Variants in MALRD1 observed in about 807,000 individuals in gnomAD.
MALRD1 encodes the protein MAM and LDL-receptor class A domain-containing protein 1.
Under a neutral mutation model 242.1 loss-of-function variants are expected in MALRD1, and 247 were observed. The ratio of observed to expected loss-of-function variants is 1.02; its 90% confidence interval spans 0.92 to 1.13. The LOEUF (loss-of-function observed/expected upper bound fraction) is 1.13. MALRD1 is among the 50% of genes most tolerant of loss of function. MALRD1 has a pLI of 0.00. For missense variants in MALRD1, 2,989 were observed against 2,533.1 expected (o/e 1.18, Z -3.86); for synonymous variants, 995 against 866.6 (o/e 1.15, Z -2.60).
intron 30 of MALRD1, among the ~76,000 whole-genome samples, chr10:19,494,467 T>C (rs991367642): frequency 6.6e-6 from 1 of 152,084 alleles, no homozygotes; most frequent in Admixed American, 6.5e-5. Flanking sequence ...ATTCAGAATA[T>C]GGGTAGGAAC....
rs150510081 is a variant in MALRD1, at chr10:19,249,575, C to T, written c.2992-8109C>T. On this transcript the variant is annotated intron_variant, in intron 18 of 39. Coordinates refer to ENST00000454679, the MANE Select transcript of MALRD1 (RefSeq NM_001142308.3). ...ACTGTGCTGGATGCTGTGTTTGCAG[C>T]GCTTGTGTCCTTCAGTGTCCCTCCT... Among the ~76,000 whole-genome samples the T allele has an allele frequency of 3.8e-3, 574 of 152,066 alleles. 3 individuals are homozygous for T. Among genetic ancestry groups the T allele is most frequent in the African/African-American group, 8.6e-3 (358 of 41,524 alleles).
chr10:19,298,761 A>G (rs1841821024), intron 21 of MALRD1, among the ~76,000 whole-genome samples: 1 of 152,004 alleles, frequency 6.6e-6, no homozygotes, highest in Admixed American at 6.6e-5. Context: ...GTTTTGGCTC[A>G]CAGGAATAGA....
intron 34 of MALRD1, among the ~76,000 whole-genome samples, chr10:19,606,485 C>G (rs1030866697): frequency 1.3e-5 from 2 of 152,034 alleles, no homozygotes; most frequent in African/African-American, 2.4e-5. Flanking sequence ...TCTGCTGAAC[C>G]CTGGTACTCA....
chr10:19,213,152 G>C (rs1385692951), intron 18 of MALRD1, among the ~76,000 whole-genome samples: 2 of 151,962 alleles, frequency 1.3e-5, no homozygotes, highest in African/African-American at 2.4e-5. Flanking sequence ...ATCAAAGAAA[G>C]CTTTGCCTTA....
chr10:19,607,636 AG>A, intron 34 of MALRD1, 140 bp from the exon 35 acceptor site: 1 of 1,169,716 alleles, frequency 8.5e-7, no homozygotes, highest in Non-Finnish European at 1.1e-6. Context: ...TTCTTCAAAA[AG>A]AACTGTGTTC....
chr10:19,650,944 A>C (rs1011583145), intron 36 of MALRD1, among the ~76,000 whole-genome samples: 1 of 152,146 alleles, frequency 6.6e-6, no homozygotes, highest in Non-Finnish European at 1.5e-5. Flanking sequence ...TGCAAATTAG[A>C]GAATGCATCA....
At position 19,170,137 on chromosome 10, in the gene MALRD1, C is replaced by T. The variant is rs139321156; in HGVS notation, c.1830+4327C>T. ...AGGTTTACTGTTTTCTCTGTAAGAA[C>T]AGCAAATTAATGACATTTCAATATT... is the stretch of plus-strand genomic sequence containing the variant. On this transcript the variant is annotated intron_variant, in intron 13 of 39. Coordinates refer to ENST00000454679, the MANE Select transcript of MALRD1 (RefSeq NM_001142308.3). Among the ~76,000 whole-genome samples, 697 of 152,284 alleles carry T rather than the reference C, an allele frequency of 4.6e-3. 2 individuals are homozygous for T. The highest frequency in any genetic ancestry group is 6.9e-3 in the Non-Finnish European group (470 of 68,014).
At chr10:19,177,329 C>G (rs1000817074) in intron 14 of MALRD1, among the ~76,000 whole-genome samples, 4 of 150,766 alleles carry the variant, frequency 2.7e-5, no homozygotes, top group Admixed American at 2.6e-4. Context: ...ACAGGATTAC[C>G]TTATTTTTGT....
At chr10:19,061,709 G>A (rs1182519398) in intron 1 of MALRD1, among the ~76,000 whole-genome samples, 1 of 152,146 alleles carries the variant, frequency 6.6e-6, no homozygotes, top group African/African-American at 2.4e-5. Flanking sequence ...TTCAACAAAG[G>A]TGGTGGGAAA....
intron 12 of MALRD1, among the ~76,000 whole-genome samples, chr10:19,164,426 T>A (rs1399963358): frequency 6.6e-6 from 1 of 152,180 alleles, no homozygotes; most frequent in Non-Finnish European, 1.5e-5. Context: ...AAACATTTTT[T>A]AAAAAGAATT....
chr10:19,567,567 G>C lies in MALRD1; in HGVS notation c.5544G>C (p.Thr1848=). The change falls in exon 33 of 40, where the codon ACG becomes ACC. Residue 1848 remains threonine, a synonymous_variant. Transcript: ENST00000454679. The part of the protein sequence containing the change: ...LVWSVIGNKR[T]GWTYGSVPLS... ...GGTCAGTGATTGGAAATAAAAGAACGGGATGGACATATGGCTCTGTGCCTC... is the reference window on the plus strand; with the variant it reads ...GGTCAGTGATTGGAAATAAAAGAACCGGATGGACATATGGCTCTGTGCCTC... The C allele has an allele frequency of 6.4e-7, 1 of 1,550,390 alleles. No homozygotes were observed. Among genetic ancestry groups the C allele is most frequent in the Non-Finnish European group, 8.7e-7 (1 of 1,146,894 alleles).
At chr10:19,222,657 C>T (rs554497481) in intron 18 of MALRD1, among the ~76,000 whole-genome samples, 4 of 152,230 alleles carry the variant, frequency 2.6e-5, no homozygotes, top group African/African-American at 7.2e-5. Flanking sequence ...TCTAATGTGT[C>T]CTTGACTCTC....
intron 34 of MALRD1, chr10:19,598,267 C>G (rs140921077): frequency 1.3e-5 from 2 of 152,224 alleles, no homozygotes; most frequent in Non-Finnish European, 2.9e-5. Flanking sequence ...TTTCAGGGAT[C>G]ATGTCTATAG....
intron 30 of MALRD1, among the ~76,000 whole-genome samples, chr10:19,496,461 G>C (rs61322704): frequency 0.037 from 5,660 of 152,114 alleles, 208 homozygotes; most frequent in African/African-American, 0.094. Context: ...ATGACTTTTG[G>C]GTAAATAATG....
intron 29 of MALRD1, among the ~76,000 whole-genome samples, chr10:19,474,901 A>G (rs1836658082): frequency 6.6e-6 from 1 of 152,200 alleles, no homozygotes; most frequent in Admixed American, 6.5e-5. Context: ...AAAAACCTAG[A>G]AAAATGAATG....
At chr10:19,637,499 C>T (rs575950456) in intron 36 of MALRD1, among the ~76,000 whole-genome samples, 21 of 152,220 alleles carry the variant, frequency 1.4e-4, no homozygotes, top group African/African-American at 4.1e-4. Flanking sequence ...CTTGTGCTCA[C>T]GATAAAACTG....
chr10:19,180,293 A>G (rs1835448522), intron 14 of MALRD1, among the ~76,000 whole-genome samples: 1 of 152,242 alleles, frequency 6.6e-6, no homozygotes, highest in Non-Finnish European at 1.5e-5. Context: ...GCAAGCAGCC[A>G]TGCTGTGACC....
intron 24 of MALRD1, among the ~76,000 whole-genome samples, chr10:19,337,565 A>G (rs183924946): frequency 1.7e-4 from 26 of 152,216 alleles, no homozygotes; most frequent in Non-Finnish European, 3.1e-4. Flanking sequence ...AGAAATGTCT[A>G]TTGAAGTATT....
intron 33 of MALRD1, among the ~76,000 whole-genome samples, chr10:19,594,661 G>T (rs1359256613): frequency 2.0e-5 from 3 of 152,126 alleles, no homozygotes; most frequent in Admixed American, 2.0e-4. Flanking sequence ...CCATAAAAAG[G>T]AATGAAAAAA....
Sources: gnomAD v4.1 joint callset for allele counts (sites outside exome capture counted in the v4.1 genomes callset) on GRCh38, gnomAD v4.1.1 for gene constraint, MANE v1.5 for transcripts, NCBI Gene and HGNC (gene_info 2026-07-23, HGNC 2026-07-21) for gene names.